The following TNRC6B variants were observed in gnomAD, a reference collection of about 807,000 sequenced individuals.
TNRC6B encodes trinucleotide repeat containing adaptor 6B.
A neutral mutation model predicts 203.6 loss-of-function variants in TNRC6B; 52 were observed. That is an observed-to-expected ratio of 0.26 (90% CI 0.20 to 0.32). The LOEUF (loss-of-function observed/expected upper bound fraction) is 0.32, where lower values mean the gene tolerates loss of function less well. Among genes scored for constraint, TNRC6B ranks in the 10% least tolerant of loss-of-function variants. TNRC6B has a pLI of 1.00. For missense variants in TNRC6B, 1,923 were observed against 2,286.2 expected, an observed-to-expected ratio of 0.84 and a Z score of 3.24; for synonymous variants, 838 against 845.7, an observed-to-expected ratio of 0.99 and a Z score of 0.16.
chr22:40,096,996 A>G (rs2068190713), intron 1 of TNRC6B, among the ~76,000 whole-genome samples: 1 of 152,186 alleles, frequency 6.6e-6, no homozygotes, highest in South Asian at 2.1e-4. Flanking sequence ...AGGCTTCAGG[A>G]AAGATACAGT....
chr22:40,311,791 C>T (rs1004676627), intron 17 of TNRC6B, among the ~76,000 whole-genome samples: 3 of 152,264 alleles, frequency 2.0e-5, no homozygotes, highest in African/African-American at 7.2e-5. Flanking sequence ...GATCTGCCCG[C>T]CTCGGCCTCC....
intron 1 of TNRC6B, among the ~76,000 whole-genome samples, chr22:40,076,460 CT>C (rs575830198): frequency 2.2e-4 from 33 of 152,276 alleles, no homozygotes; most frequent in African/African-American, 7.0e-4. Context: ...ATTTTTCCAT[CT>C]TTTTTGAAGG....
intron 1 of TNRC6B, among the ~76,000 whole-genome samples, chr22:40,064,986 G>T (rs1203032577): frequency 6.6e-6 from 1 of 151,652 alleles, no homozygotes; most frequent in East Asian, 1.9e-4. Context: ...TCACATCTAT[G>T]TTCATAAGAG....
intron 2 of TNRC6B, chr22:40,246,497 A>G (rs936250949): frequency 1.9e-5 from 3 of 154,136 alleles, no homozygotes; most frequent in African/African-American, 7.2e-5. Context: ...TGAATACCTG[A>G]TATCCCAATA....
At chr22:40,049,045 C>G (rs2067721033) in intron 1 of TNRC6B, among the ~76,000 whole-genome samples, 1 of 151,966 alleles carries the variant, frequency 6.6e-6, no homozygotes, top group Non-Finnish European at 1.5e-5. Context: ...ATTTTTAGTA[C>G]AAAGAGAATA....
intron 1 of TNRC6B, among the ~76,000 whole-genome samples, chr22:40,079,956 T>C (rs2146288079): frequency 6.6e-6 from 1 of 152,218 alleles, no homozygotes; most frequent in Middle Eastern, 3.4e-3. Flanking sequence ...CCACCACGCC[T>C]GGCTAATTTT....
intron 4 of TNRC6B, among the ~76,000 whole-genome samples, chr22:40,171,070 A>G (rs1445379383): frequency 6.7e-6 from 1 of 148,852 alleles, no homozygotes. Context: ...ATGTATCTAT[A>G]TATGTATGTT....
chr22:40,176,332 G>T (rs2146374245), upstream of TNRC6B, among the ~76,000 whole-genome samples: 1 of 152,092 alleles, frequency 6.6e-6, no homozygotes, highest in East Asian at 1.9e-4. Flanking sequence ...TCTCCATGCT[G>T]GTCAGGCTGG....
intron 1 of TNRC6B, among the ~76,000 whole-genome samples, chr22:40,098,343 C>T (rs2068201922): frequency 7.4e-6 from 1 of 135,704 alleles, no homozygotes; most frequent in East Asian, 2.0e-4. Context: ...CAAAACTGCG[C>T]CATTGCACTC....
intron 1 of TNRC6B, among the ~76,000 whole-genome samples, chr22:40,078,802 G>A (rs1318425501): frequency 2.6e-5 from 4 of 151,746 alleles, no homozygotes; most frequent in Non-Finnish European, 2.9e-5. Context: ...TGCCAGGTGC[G>A]GTGGCTCGTG....
intron 11 of TNRC6B, among the ~76,000 whole-genome samples, chr22:40,284,516 G>C (rs894284601): frequency 3.9e-5 from 6 of 152,128 alleles, no homozygotes. Context: ...GACATTTTCC[G>C]GTGTGTGGAA....
chr22:40,130,370 T>TC (rs1164742821), intron 3 of TNRC6B, among the ~76,000 whole-genome samples: 2 of 151,954 alleles, frequency 1.3e-5, no homozygotes, highest in African/African-American at 4.8e-5. Context: ...GAAAGAGAAG[T>TC]CATTGTAGTT....
intron 2 of TNRC6B, among the ~76,000 whole-genome samples, chr22:40,122,123 C>G (rs2068452117): frequency 6.6e-6 from 1 of 152,190 alleles, no homozygotes; most frequent in African/African-American, 2.4e-5. Context: ...CTTTGAGACC[C>G]AATAAATAGC....
Position 40,328,383 on chromosome 22 carries a change from G to A in TNRC6B, c.*5142G>A, listed in dbSNP as rs533679018. On this transcript the variant is annotated 3_prime_UTR_variant, in exon 23 of 23. Coordinates refer to ENST00000454349, the MANE Select transcript of TNRC6B (RefSeq NM_001162501.2). ...TTCCAAACTCCTGTGGGTTGAATAT[G>A]GTATAGAAGGTATGCAAGAGGAAAA... The A allele has an allele frequency of 6.6e-6, 1 of 152,152 alleles. No homozygotes were observed. The highest frequency in any genetic ancestry group is 2.4e-5 in the African/African-American group (1 of 41,496). 9.4% of individuals were successfully genotyped at this position (152,152 alleles called of 1,614,324 possible). A position where few individuals can be genotyped will look rare whatever the true frequency, so the allele number is the denominator to read the frequency against.
intron 1 of TNRC6B, among the ~76,000 whole-genome samples, chr22:40,059,036 C>T (rs2067825019): frequency 6.6e-6 from 1 of 152,186 alleles, no homozygotes. Flanking sequence ...CAGCCAAGTT[C>T]GTTTACTGCT....
intron 1 of TNRC6B, among the ~76,000 whole-genome samples, chr22:40,099,254 G>GA (rs60507984): frequency 1.8e-3 from 214 of 121,322 alleles, no homozygotes; most frequent in African/African-American, 3.6e-3. Flanking sequence ...ACTCTGTCTC[G>GA]AAAAAAAAAA....
At chr22:40,220,397 C>A (rs939708894) in intron 1 of TNRC6B, among the ~76,000 whole-genome samples, 1 of 152,054 alleles carries the variant, frequency 6.6e-6, no homozygotes, top group African/African-American at 2.4e-5. Flanking sequence ...AGGTTTGAGC[C>A]CCCTCCACAT....
At chr22:40,154,578 C>T (rs528047102) in intron 3 of TNRC6B, among the ~76,000 whole-genome samples, 17 of 151,488 alleles carry the variant, frequency 1.1e-4, no homozygotes, top group South Asian at 6.2e-4. Flanking sequence ...TGGTGGCTCA[C>T]GCCTGTAATC....
At chr22:40,201,518 C>G (rs2069412021) in intron 1 of TNRC6B, among the ~76,000 whole-genome samples, 1 of 151,734 alleles carries the variant, frequency 6.6e-6, no homozygotes, top group Non-Finnish European at 1.5e-5. Context: ...TCACTGCAGC[C>G]TCGACCTCCT....
Sources: allele counts gnomAD v4.1 joint callset (sites outside exome capture counted in the v4.1 genomes callset), GRCh38; gene constraint gnomAD v4.1.1; transcripts MANE v1.5; gene names NCBI Gene and HGNC (gene_info 2026-07-23, HGNC 2026-07-21).